OR56A1: variants seen among roughly 807,000 people sequenced by gnomAD.
OR56A1 encodes olfactory receptor 56A1.
For synonymous variants in OR56A1, 174 were observed against 159.1 expected (o/e 1.09, Z -0.70); for missense variants, 360 against 380.9 (o/e 0.94, Z 0.46).
rs1848442775 is a variant in OR56A1 at position 6,025,931 on chromosome 11, T to A, written c.*817A>T. The A allele has an allele frequency of 6.6e-6, 1 of 152,242 alleles. No individual in the cohort carries two copies. The highest frequency in any genetic ancestry group is 1.5e-5 in the Non-Finnish European group (1 of 68,054). 9.4% of individuals were successfully genotyped at this position (152,242 alleles called of 1,614,324 possible). A position where few individuals can be genotyped will look rare whatever the true frequency, so the allele number is the denominator to read the frequency against. ...TATCCAGAAACCTGACACTATGACA[T>A]ATCTTTCCACATTCAACTACAGCAC... On this transcript the variant is annotated 3_prime_UTR_variant, in exon 2 of 2. Coordinates refer to ENST00000641900, the MANE Select transcript of OR56A1 (RefSeq NM_001388488.1).
Position 6,020,011 on chromosome 11 carries a change from G to T in OR56A1, c.*6737C>A, listed in dbSNP as rs1458887070. 6.6e-6 allele frequency: 1 copy of T among 151,988 alleles called. No homozygotes were observed. The allele number at this position is 151,988 out of a possible 1,614,324, so 9.4% of individuals were successfully genotyped here. On this transcript the variant is annotated 3_prime_UTR_variant, in exon 2 of 2. Coordinates refer to ENST00000641900, the MANE Select transcript of OR56A1 (RefSeq NM_001388488.1). ...TCTTAATTCTATTATAAGCATCCTG[G>T]TAAATGTAAGAGCTCTAGTGACTTT...
At chr11:6,029,085 G>A (rs992822349) in intron 1 of OR56A1, among the ~76,000 whole-genome samples, 1 of 152,114 alleles carries the variant, frequency 6.6e-6, no homozygotes, top group Non-Finnish European at 1.5e-5. Context: ...TTCAAAATGT[G>A]TACATATAGA....
chr11:6,027,233 G>T lies in OR56A1; in HGVS notation c.460C>A (p.Arg154=). The T allele has an allele frequency of 1.2e-6, 2 of 1,614,064 alleles. No individual in the cohort carries two copies. The highest frequency in any genetic ancestry group is 2.2e-5 in the South Asian group (2 of 91,080). The part of the protein sequence containing the change: ...VAKASVFIVV[R]NALLTAPIPI... ...ATGGGTGCAGTAAGAAGCGCATTCC[G>T]CACCACAATGAAGACACTAGCTTTG... The change falls in exon 2 of 2, where the codon CGG becomes AGG. Residue 154 remains arginine, a synonymous_variant. Transcript: ENST00000641900.
chr11:6,028,135 T>C (rs951900490), intron 1 of OR56A1, among the ~76,000 whole-genome samples: 1 of 152,114 alleles, frequency 6.6e-6, no homozygotes, highest in Non-Finnish European at 1.5e-5. Flanking sequence ...TAATTTGAGA[T>C]GGATATTTTT....
chr11:6,030,389 G>A (rs1007800520), intron 1 of OR56A1, among the ~76,000 whole-genome samples: 1 of 151,856 alleles, frequency 6.6e-6, no homozygotes, highest in African/African-American at 2.4e-5. Flanking sequence ...AACCATGTGT[G>A]GTTTTTCTTT....
rs1848430024 is a variant in OR56A1 at position 6,024,709 on chromosome 11, T to C, written c.*2039A>G. 6.6e-6 allele frequency: 1 copy of C among 152,216 alleles called. No individual in the cohort carries two copies. Among genetic ancestry groups the C allele is most frequent in the Non-Finnish European group, 1.5e-5 (1 of 68,032 alleles). 9.4% of individuals were successfully genotyped at this position (152,216 alleles called of 1,614,324 possible). ...ACTTGGATTTTCATTATAAGTATTA[T>C]TTTAGAAAATCAGTGGTGAAGTTGG... is the stretch of plus-strand genomic sequence containing the variant. On this transcript the variant is annotated 3_prime_UTR_variant, in exon 2 of 2. Coordinates refer to ENST00000641900, the MANE Select transcript of OR56A1 (RefSeq NM_001388488.1).
Position 6,026,753 on chromosome 11 carries a change from T to A in OR56A1, c.940A>T (p.Arg314Trp), listed in dbSNP as rs1242250776. 2.5e-6 allele frequency: 4 copies of A among 1,575,502 alleles called. 1 individual carries two copies. The South Asian group carries it at 4.6e-5, about 18-fold the overall frequency. The stretch of plus-strand genomic sequence containing the variant: ...ATTAGAAATGCTTTACATATTCACC[T>A]CCCTCTCTGCAGTAACTTCTGAATT... ...QGIQKLLQRG[R>W] is the part of the protein sequence containing the mutation. The change falls in exon 2 of 2, where the codon AGG becomes TGG. Residue 314 changes from arginine (R) to tryptophan (W), a missense_variant. Coordinates refer to ENST00000641900, the MANE Select transcript of OR56A1 (RefSeq NM_001388488.1).
rs986037882 is a variant in OR56A1, at chr11:6,025,799, T to C, written c.*949A>G. The C allele has an allele frequency of 2.6e-5, 4 of 152,242 alleles. No individual in the cohort carries two copies. Among genetic ancestry groups the C allele is most frequent in the African/African-American group, 7.2e-5 (3 of 41,458 alleles). 9.4% of individuals were successfully genotyped at this position (152,242 alleles called of 1,614,324 possible). ...ATACTGTTTATCTGTTACTTGAACCTCCTTTTTTTCATCATTGTCTCCAAT... is the reference window on the plus strand; with the variant it reads ...ATACTGTTTATCTGTTACTTGAACCCCCTTTTTTTCATCATTGTCTCCAAT... On this transcript the variant is annotated 3_prime_UTR_variant, in exon 2 of 2. Coordinates refer to ENST00000641900, the MANE Select transcript of OR56A1 (RefSeq NM_001388488.1).
rs375352000 is a variant in OR56A1 at position 6,027,095 on chromosome 11, T to G, written c.598A>C (p.Ile200Leu). The G allele has an allele frequency of 2.5e-6, 4 of 1,614,216 alleles. No homozygotes were observed. Among genetic ancestry groups the G allele is most frequent in the East Asian group, 2.2e-5 (1 of 44,890 alleles). Residue 200 changes from isoleucine to leucine, a missense_variant, in exon 2 of 2, where the codon ATC becomes CTC. Transcript: ENST00000641900. ...GTCCAACCAGCCACAAATTGGTAGA[T>G]TCTGTTAAGGGTGAAATTATCACAG... ...LSCDNFTLNR[I>L]YQFVAGWTLL...
rs1408178860 is a variant in OR56A1 at position 6,023,058 on chromosome 11, G to C, written c.*3690C>G. The C allele has an allele frequency of 2.0e-5, 3 of 152,164 alleles. No homozygotes were observed. The highest frequency in any genetic ancestry group is 7.2e-5 in the African/African-American group (3 of 41,442). 9.4% of individuals were successfully genotyped at this position (152,164 alleles called of 1,614,324 possible). The stretch of plus-strand genomic sequence containing the variant: ...ACTCAAGTCCCTATGTGCCCTATGA[G>C]CAGGAAGTACAGGAGTTTTCTAAAC... On this transcript the variant is annotated 3_prime_UTR_variant, in exon 2 of 2. Coordinates refer to ENST00000641900, the MANE Select transcript of OR56A1 (RefSeq NM_001388488.1).
At chr11:6,030,608 A>G (rs1267422363) in intron 1 of OR56A1, 94 bp downstream of exon 1, 1 of 152,160 alleles carries the variant, frequency 6.6e-6, no homozygotes, top group African/African-American at 2.4e-5. Context: ...AGCTTCAGCC[A>G]CACCGTCCTT....
In OR56A1 at chr11:6,026,691, G is replaced by T; in HGVS notation, c.*57C>A. Reference sequence around the variant, plus strand: ...CTAACTGACATTTCTCTACTTCGCTGCCTAGGTAAAATCACTGAAGAGGAA... The same window carrying T: ...CTAACTGACATTTCTCTACTTCGCTTCCTAGGTAAAATCACTGAAGAGGAA... On this transcript the variant is annotated 3_prime_UTR_variant, in exon 2 of 2. Coordinates refer to ENST00000641900, the MANE Select transcript of OR56A1 (RefSeq NM_001388488.1). 4 of 1,085,496 alleles carry T rather than the reference G, an allele frequency of 3.7e-6. No homozygotes were observed. Among genetic ancestry groups the T allele is most frequent in the Non-Finnish European group, 5.4e-6 (4 of 734,168 alleles). 67.2% of individuals were successfully genotyped at this position (1,085,496 alleles called of 1,614,324 possible).
upstream of OR56A1, among the ~76,000 whole-genome samples, chr11:6,033,248 C>T (rs117631456): frequency 9.6e-4 from 146 of 151,664 alleles, 2 homozygotes; most frequent in East Asian, 0.022. Flanking sequence ...TGGGTGTGGA[C>T]GAGTGAGAAA....
chr11:6,029,848 C>A (rs932331202), intron 1 of OR56A1, among the ~76,000 whole-genome samples: 8 of 152,174 alleles, frequency 5.3e-5, no homozygotes, highest in African/African-American at 1.7e-4. Context: ...ATTACCATCT[C>A]TATTACTAAA....
rs753166517 is a variant in OR56A1, at chr11:6,021,806, G to T, written c.*4942C>A. 6.6e-6 allele frequency: 1 copy of T among 151,962 alleles called. No homozygotes were observed. The highest frequency in any genetic ancestry group is 2.4e-5 in the African/African-American group (1 of 41,374). The allele number at this position is 151,962 out of a possible 1,614,324, so 9.4% of individuals were successfully genotyped here. ...GTTCCTCCTAGAGAACGCAAACAAT[G>T]TCTAGTCAAGAAACTTGTCCCCCTC... On this transcript the variant is annotated 3_prime_UTR_variant, in exon 2 of 2. Transcript: ENST00000641900.
chr11:6,030,297 T>G (rs1261452144), intron 1 of OR56A1, among the ~76,000 whole-genome samples: 1 of 152,168 alleles, frequency 6.6e-6, no homozygotes, highest in Admixed American at 6.5e-5. Context: ...ATTAAAATAT[T>G]TCAGTGGCTT....
intron 1 of OR56A1, among the ~76,000 whole-genome samples, chr11:6,029,219 C>A (rs1848489463): frequency 6.6e-6 from 1 of 151,990 alleles, no homozygotes; most frequent in Non-Finnish European, 1.5e-5. Flanking sequence ...ACCCTAAAAG[C>A]CCTGACTTAA....
At chr11:6,031,517 G>A (rs1377411260), upstream of OR56A1, among the ~76,000 whole-genome samples, 2 of 152,120 alleles carry the variant, frequency 1.3e-5, no homozygotes, top group East Asian at 3.9e-4. Context: ...CAAAGGCTGA[G>A]GCACTGAGGA....
chr11:6,027,412 GACCTAAGATCAT>G lies in OR56A1; in HGVS notation c.269_280del (p.Tyr90_Arg93del). 1 of 1,614,192 alleles carries G rather than the reference GACCTAAGATCAT, an allele frequency of 6.2e-7. No individual in the cohort carries two copies. Among genetic ancestry groups the G allele is most frequent in the Non-Finnish European group, 8.5e-7 (1 of 1,180,040 alleles). ...GAGGAAGCAGGCAGGGAAGCTGATCGACCTAAGATCATACCAGAAGATGGCCAGGACCTTGGG... is the reference window on the plus strand; with the variant it reads ...GAGGAAGCAGGCAGGGAAGCTGATCGACCAGAAGATGGCCAGGACCTTGGG... On this transcript the variant is annotated inframe_deletion, in exon 2 of 2. Coordinates refer to ENST00000641900, the MANE Select transcript of OR56A1 (RefSeq NM_001388488.1).
Sources: allele counts gnomAD v4.1 joint callset (sites outside exome capture counted in the v4.1 genomes callset), GRCh38; gene constraint gnomAD v4.1.1; transcripts MANE v1.5; gene names NCBI Gene and HGNC (gene_info 2026-07-23, HGNC 2026-07-21).